Variants in MKI67 observed in about 807,000 individuals in gnomAD.
MKI67 encodes proliferation marker protein Ki-67.
MKI67 carries 152 observed loss-of-function variants against 233.5 expected under a neutral mutation model. That is an observed-to-expected ratio of 0.65 (90% CI 0.57 to 0.74). The LOEUF is 0.74. Among genes scored for constraint, MKI67 ranks in the 30% least tolerant of loss-of-function variants. MKI67 has a pLI of 0.00. For missense variants in MKI67, 3,940 were observed against 3,885.2 expected, an observed-to-expected ratio of 1.01 and a Z score of -0.37; for synonymous variants, 1,465 against 1,418.5, an observed-to-expected ratio of 1.03 and a Z score of -0.74.
At chr10:128,122,822 CTA>C (rs1397129563) in intron 4 of MKI67, 57 bp downstream of exon 4, 5 of 798,788 alleles carry the variant, frequency 6.3e-6, no homozygotes, top group Non-Finnish European at 9.9e-6. Context: ...GACTTTGACA[CTA>C]GTTTATGGTT....
intron 7 of MKI67, 78 bp from the exon 8 acceptor site, chr10:128,113,680 A>G: frequency 1.5e-6 from 2 of 1,354,370 alleles, no homozygotes; most frequent in East Asian, 4.6e-5. Flanking sequence ...CGTTAGCATT[A>G]AAGACAAACC....
rs1314350846 is a variant in MKI67 at position 128,126,362 on chromosome 10, C to T, written c.-353G>A. On this transcript the variant is annotated 5_prime_UTR_variant, in exon 1 of 15. Coordinates refer to ENST00000368654, the MANE Select transcript of MKI67 (RefSeq NM_002417.5). Reference sequence around the variant, plus strand: ...CCCGGGCGCCCGGCTCTAGCGGCTCCCACCGAGTCGAGTCCTCCCGCCCGC... The same window carrying T: ...CCCGGGCGCCCGGCTCTAGCGGCTCTCACCGAGTCGAGTCCTCCCGCCCGC... 7.3e-6 allele frequency: 1 copy of T among 137,760 alleles called. No individual in the cohort carries two copies. The highest frequency in any genetic ancestry group is 2.7e-5 in the African/African-American group (1 of 36,884). 8.5% of individuals were successfully genotyped at this position (137,760 alleles called of 1,614,324 possible). A position where few individuals can be genotyped will look rare whatever the true frequency, so the allele number is the denominator to read the frequency against.
In MKI67 at chr10:128,109,194, C is replaced by T. The variant is rs185612882; in HGVS notation, c.2646G>A (p.Arg882=). 1.4e-4 allele frequency: 220 copies of T among 1,614,150 alleles called. 2 individuals carry two copies. In the East Asian group the frequency reaches 4.4e-3, roughly 32 times the overall value. ...TTTCCACAGGTAGCTTCTGTATATT[C>T]CTGAACTCTGTAGACCTTCCTGACC... ...ANRSGRSTEF[R]NIQKLPVESK... The change falls in exon 13 of 15, where the codon AGG becomes AGA. Residue 882 remains arginine (R), a synonymous_variant. Transcript: ENST00000368654.
rs993208688 is a variant in MKI67, at chr10:128,112,208, T to G, written c.1894A>C (p.Ser632Arg). 15 of 1,614,110 alleles carry G rather than the reference T, an allele frequency of 9.3e-6. No individual in the cohort carries two copies. Among genetic ancestry groups the G allele is most frequent in the African/African-American group, 2.7e-5 (2 of 74,934 alleles). The change falls in exon 9 of 15, where the codon AGC (serine) becomes CGC (arginine). Residue 632 changes from serine to arginine, a missense_variant. Coordinates refer to ENST00000368654, the MANE Select transcript of MKI67 (RefSeq NM_002417.5). Reference sequence around the variant, plus strand: ...TGTAAAATATCATGTTGACTTCGGCTGATAGACACTCTCTTTGAAGGCAGG... The same window carrying G: ...TGTAAAATATCATGTTGACTTCGGCGGATAGACACTCTCTTTGAAGGCAGG... Reference protein sequence around the residue: ...GNLPSKRVSISRSQHDILQMI... With the variant: ...GNLPSKRVSIRRSQHDILQMI...
At position 128,115,640 on chromosome 10, in the gene MKI67, A is replaced by AT; in HGVS notation, c.767dup (p.Asn256LysfsTer7). Reference sequence around the variant, plus strand: ...CAGATTTTCTACAATACTGTAGGACATTTTCTTTTTGTGATTTTACATCCA... The same window carrying AT: ...CAGATTTTCTACAATACTGTAGGACATTTTTCTTTTTGTGATTTTACATCCA... On this transcript the variant is annotated frameshift_variant, in exon 7 of 15. Coordinates refer to ENST00000368654, the MANE Select transcript of MKI67 (RefSeq NM_002417.5). LOFTEE classifies it high-confidence loss of function. 6.2e-7 allele frequency: 1 copy of AT among 1,613,580 alleles called. No homozygotes were observed. Among genetic ancestry groups the AT allele is most frequent in the Admixed American group, 1.7e-5 (1 of 59,892 alleles).
chr10:128,106,107 T>A lies in MKI67; in HGVS notation c.5733A>T (p.Val1911=). The part of the protein sequence containing the change: ...GKAMHTPKAA[V]GEEKDINTFV... ...ATGTGTTGATGTCTTTCTCTTCACC[T>A]ACTGCTGCTTTAGGCGTGTGCATGG... Residue 1911 remains valine, a synonymous_variant, in exon 13 of 15, where the codon GTA becomes GTT. Transcript: ENST00000368654. 6.2e-7 allele frequency: 1 copy of A among 1,614,110 alleles called. No individual in the cohort carries two copies. Among genetic ancestry groups the A allele is most frequent in the Non-Finnish European group, 8.5e-7 (1 of 1,180,028 alleles).
At position 128,125,355 on chromosome 10, in the gene MKI67, T is replaced by A. The variant is rs1565017650; in HGVS notation, c.92+221A>T. On this transcript the variant is annotated intron_variant, in intron 2 of 14. Coordinates refer to ENST00000368654, the MANE Select transcript of MKI67 (RefSeq NM_002417.5). The surrounding 1 kb of genome is among the most constrained non-coding windows in gnomAD (Gnocchi z 5.3). ...ACATTAGCAAATCGATTTTTTTAAT[T>A]GGCTTGATTTTTAAAACCACTTAAA... Among the ~76,000 whole-genome samples, 1 of 152,154 alleles carries A rather than the reference T, an allele frequency of 6.6e-6. No homozygotes were observed. Among genetic ancestry groups the A allele is most frequent in the Non-Finnish European group, 1.5e-5 (1 of 68,020 alleles).
At position 128,103,230 on chromosome 10, in the gene MKI67, G is replaced by C. The variant is rs1438637203; in HGVS notation, c.8610C>G (p.His2870Gln). ...KLTQTSGETT[H>Q]TDKEPVGEGK... ...CCTCACCTACCGGCTCTTTGTCGGT[G>C]TGCGTGGTCTCCCCTGAGGTTTGTG... The change falls in exon 13 of 15, where the codon CAC (histidine) becomes CAG (glutamine). Residue 2870 changes from histidine to glutamine, a missense_variant. By Grantham distance (24) the His-to-Gln change is conservative. Coordinates refer to ENST00000368654, the MANE Select transcript of MKI67 (RefSeq NM_002417.5). The C allele has an allele frequency of 6.2e-7, 1 of 1,614,084 alleles. No homozygotes were observed. Among genetic ancestry groups the C allele is most frequent in the Non-Finnish European group, 8.5e-7 (1 of 1,180,022 alleles).
rs779522663 is a variant in MKI67 at position 128,105,687 on chromosome 10, G to A, written c.6153C>T (p.Asp2051=). 1.2e-6 allele frequency: 2 copies of A among 1,613,922 alleles called. No individual in the cohort carries two copies. The highest frequency in any genetic ancestry group is 4.5e-5 in the East Asian group (2 of 44,858). ...AFKESAKQML[D]PANYGTGMER... is the part of the protein sequence containing the mutation. ...CCATCCCAGTTCCATAGTTTGCTGG[G>A]TCCAGCATCTGCTTTGCAGATTCCT... is the stretch of plus-strand genomic sequence containing the variant. Residue 2051 remains aspartate (D), a synonymous_variant, in exon 13 of 15, where the codon GAC becomes GAT. Transcript: ENST00000368654.
Position 128,125,721 on chromosome 10 carries a change from T to C in MKI67, c.-54A>G. The stretch of plus-strand genomic sequence containing the variant: ...GTAGGGGAAGGCCAGGTATAATCCG[T>C]AGGGGAAGGCCAGAAGCAAATTTAC... On this transcript the variant is annotated 5_prime_UTR_variant, in exon 2 of 15. Coordinates refer to ENST00000368654, the MANE Select transcript of MKI67 (RefSeq NM_002417.5). This position sits in a 1 kb window ranked among gnomAD's most constrained non-coding sequence, Gnocchi z 5.3. The C allele has an allele frequency of 1.4e-6, 2 of 1,471,066 alleles. No individual in the cohort carries two copies. The highest frequency in any genetic ancestry group is 1.1e-5 in the South Asian group (1 of 87,768). The allele number at this position is 1,471,066 out of a possible 1,614,324, so 91.1% of individuals were successfully genotyped here. A position where few individuals can be genotyped will look rare whatever the true frequency, so the allele number is the denominator to read the frequency against.
Position 128,112,233 on chromosome 10 carries a change from G to A in MKI67, c.1869C>T (p.Asn623=). ...VPKRGGRKSG[N]LPSKRVSISR... ...TGATAGACACTCTCTTTGAAGGCAG[G>A]TTGCCACTCTTTCTCCCTCCTCTCT... Residue 623 remains asparagine (N), a synonymous_variant, in exon 9 of 15, where the codon AAC becomes AAT. Transcript: ENST00000368654. 6.2e-7 allele frequency: 1 copy of A among 1,614,110 alleles called. No homozygotes were observed. Among genetic ancestry groups the A allele is most frequent in the Non-Finnish European group, 8.5e-7 (1 of 1,179,984 alleles).
intron 4 of MKI67, among the ~76,000 whole-genome samples, chr10:128,120,356 G>A (rs1852908698): frequency 6.6e-6 from 1 of 152,052 alleles, no homozygotes. Flanking sequence ...GCCGGGTGTT[G>A]TGGCGCGTGC....
In MKI67 at chr10:128,115,194, A is replaced by G. The variant is rs904889609; in HGVS notation, c.1214T>C (p.Val405Ala). The change falls in exon 7 of 15, where the codon GTT (valine) becomes GCT (alanine). Residue 405 changes from valine to alanine, a missense_variant. Physicochemically the swap from Val to Ala is moderately conservative, Grantham distance 64. Coordinates refer to ENST00000368654, the MANE Select transcript of MKI67 (RefSeq NM_002417.5). ...LSTRNRTPAK[V>A]EDAADSATKP... ...AGTGGCAGAGTCAGCTGCATCTTCA[A>G]CTTTAGCTGGTGTTCGATTTCTAGT... 3.1e-6 allele frequency: 5 copies of G among 1,614,102 alleles called. No homozygotes were observed. The highest frequency in any genetic ancestry group is 1.3e-5 in the African/African-American group (1 of 74,926).
At chr10:128,122,775 C>T in intron 4 of MKI67, 106 bp downstream of exon 4, 3 of 556,746 alleles carry the variant, frequency 5.4e-6, no homozygotes, top group Non-Finnish European at 6.3e-6. Context: ...ACCTGAAATA[C>T]TTTGACATCC....
chr10:128,106,481 G>A lies in MKI67; in HGVS notation c.5359C>T (p.Pro1787Ser). Residue 1787 changes from proline to serine, a missense_variant, in exon 13 of 15, where the codon CCA becomes TCA. By Grantham distance (74) the Pro-to-Ser change is moderately conservative. Transcript: ENST00000368654. ...SAGKAMHTPK[P>S]AVGEEKDINT... ...ATGTCTTTCTCTTCACCTACTGCTG[G>A]TTTGGGTGTGTGCATGGCTTTGCCT... 1 of 1,609,390 alleles carries A rather than the reference G, an allele frequency of 6.2e-7. No homozygotes were observed. Among genetic ancestry groups the A allele is most frequent in the South Asian group, 1.1e-5 (1 of 90,842 alleles).
chr10:128,105,576 G>A lies in MKI67; in HGVS notation c.6264C>T (p.His2088=). The change falls in exon 13 of 15, where the codon CAC becomes CAT. Residue 2088 remains histidine (H), a synonymous_variant. Coordinates refer to ENST00000368654, the MANE Select transcript of MKI67 (RefSeq NM_002417.5). ...TGTCATCAGTTGTTGATTCCTCAGT[G>A]TGGTCTGGTGTCTGGAAGAGCTCTT... ...GFKELFQTPD[H]TEESTTDDKT... 2.5e-6 allele frequency: 4 copies of A among 1,614,056 alleles called. No homozygotes were observed. The highest frequency in any genetic ancestry group is 3.4e-6 in the Non-Finnish European group (4 of 1,180,004).
intron 4 of MKI67, among the ~76,000 whole-genome samples, chr10:128,120,553 G>A (rs976923791): frequency 1.3e-5 from 2 of 152,026 alleles, no homozygotes; most frequent in African/African-American, 4.8e-5. Context: ...CTACATAGAA[G>A]TCTGTATTCA....
chr10:128,109,527 T>C (rs190379697), intron 12 of MKI67, 104 bp from the exon 13 acceptor site: 4 of 1,281,304 alleles, frequency 3.1e-6, no homozygotes, highest in East Asian at 2.4e-5. Context: ...TTTAGCTTCG[T>C]ATTCACTGAA....
At chr10:128,113,336 C>A in intron 8 of MKI67, 91 bp downstream of exon 8, 1 of 1,332,798 alleles carries the variant, frequency 7.5e-7, no homozygotes, top group African/African-American at 1.5e-5. Context: ...AGGTCTTCAT[C>A]ATAATTCTAC....
Sources: gnomAD v4.1 joint callset for allele counts (sites outside exome capture counted in the v4.1 genomes callset) on GRCh38, gnomAD v4.1.1 for gene constraint, Gnocchi (gnomAD v3.1) non-coding constraint, MANE v1.5 for transcripts, NCBI Gene and HGNC (gene_info 2026-07-23, HGNC 2026-07-21) for gene names.